DENND1A: variants seen among roughly 807,000 people sequenced by gnomAD.
The protein encoded by DENND1A is DENN domain containing 1A.
A neutral mutation model predicts 113.7 loss-of-function variants in DENND1A; 51 were observed. The ratio of observed to expected loss-of-function variants is 0.45; its 90% CI spans 0.36 to 0.57. The LOEUF (loss-of-function observed/expected upper bound fraction) is 0.57. DENND1A is among the 20% of genes least tolerant of loss of function. The probability of loss-of-function intolerance (pLI) is 0.00; values close to 1 mark genes in which losing one functional copy is unlikely to be tolerated. For missense variants in DENND1A, 1,258 were observed against 1,395.9 expected (o/e 0.90, Z 1.57); for synonymous variants, 565 against 570.8 (o/e 0.99, Z 0.14).
chr9:123,848,704 G>A (rs1044699807), intron 2 of DENND1A, among the ~76,000 whole-genome samples: 1 of 152,172 alleles, frequency 6.6e-6, no homozygotes, highest in Non-Finnish European at 1.5e-5. Context: ...CTCAAAGTTA[G>A]TCTTCTTGTA....
intron 2 of DENND1A, chr9:123,843,558 G>A (rs997663581): frequency 9.7e-6 from 2 of 207,060 alleles, no homozygotes; most frequent in Admixed American, 1.1e-4. Context: ...ACTGAGTGGA[G>A]AAAGACTATG....
chr9:123,423,912 C>A (rs1423754813), intron 19 of DENND1A, among the ~76,000 whole-genome samples: 1 of 152,150 alleles, frequency 6.6e-6, no homozygotes, highest in East Asian at 1.9e-4. Flanking sequence ...AAGGGGCTAC[C>A]CGTAAAGTTG....
chr9:123,435,098 T>C (rs975106217), intron 19 of DENND1A, among the ~76,000 whole-genome samples: 1 of 151,144 alleles, frequency 6.6e-6, no homozygotes, highest in Non-Finnish European at 1.5e-5. Context: ...TGGTGGGGAG[T>C]GTATGTTCAG....
intron 8 of DENND1A, among the ~76,000 whole-genome samples, chr9:123,663,101 C>A (rs952171979): frequency 6.6e-6 from 1 of 152,166 alleles, no homozygotes; most frequent in African/African-American, 2.4e-5. Flanking sequence ...TGTTTTTAAG[C>A]CATTAATATG....
chr9:123,559,926 A>G (rs1384306250), intron 12 of DENND1A, among the ~76,000 whole-genome samples: 1 of 152,228 alleles, frequency 6.6e-6, no homozygotes, highest in East Asian at 1.9e-4. Context: ...ATATAAATGG[A>G]ATTAACAATA....
intron 21 of DENND1A, among the ~76,000 whole-genome samples, chr9:123,391,884 G>T (rs1253118405): frequency 6.6e-6 from 1 of 152,076 alleles, no homozygotes; most frequent in Non-Finnish European, 1.5e-5. Context: ...TGAAAAGGCA[G>T]GTTGCGGCAA....
chr9:123,601,165 G>A (rs911935347), intron 11 of DENND1A, among the ~76,000 whole-genome samples: 4 of 152,158 alleles, frequency 2.6e-5, no homozygotes, highest in Non-Finnish European at 2.9e-5. Context: ...TCATTACTGA[G>A]TTTTTCTCAT....
chr9:123,408,729 C>T (rs1217788936), intron 20 of DENND1A, among the ~76,000 whole-genome samples: 1 of 152,194 alleles, frequency 6.6e-6, no homozygotes, highest in Non-Finnish European at 1.5e-5. Flanking sequence ...GCTGCTACTC[C>T]GTGTCTCTCA....
rs575948779 is a variant in DENND1A at position 123,435,848 on chromosome 9, C to T, written c.1488+4512G>A. 9.2e-5 allele frequency among the ~76,000 whole-genome samples: 14 copies of T among 152,330 alleles called. No individual in the cohort carries two copies. The South Asian group carries it at 1.2e-3, about 14-fold the overall frequency. On this transcript the variant is annotated intron_variant, in intron 19 of 23. Coordinates refer to ENST00000394215, the MANE Select transcript of DENND1A (RefSeq NM_001352964.2). ...AATTAGCTACTCATTCCAGCAACGC[C>T]GTTCCAGTGTGCCTCCTCATGTGTA...
In DENND1A at chr9:123,440,390, G is replaced by T; in HGVS notation, c.1458C>A (p.Asp486Glu). The T allele has an allele frequency of 6.2e-7, 1 of 1,601,846 alleles. No individual in the cohort carries two copies. Among genetic ancestry groups the T allele is most frequent in the Non-Finnish European group, 8.5e-7 (1 of 1,175,184 alleles). The change falls in exon 19 of 24, where the codon GAC becomes GAA. Residue 486 changes from aspartate to glutamate, a missense_variant. By Grantham distance (45) the Asp-to-Glu change is conservative. Transcript: ENST00000394215. ...CAAAGTGGACTGTGATTGGCCGCCG[G>T]TCTTCTCGGAGCTTGGGGTCCTTGG... is the stretch of plus-strand genomic sequence containing the variant. ...VEAKDPKLRE[D>E]RRPITVHFGQ...
Position 123,382,120 on chromosome 9 carries a change from G to T in DENND1A, c.2525C>A (p.Ala842Asp), listed in dbSNP as rs199752483. ...GAGCGGGTCCAGGAGGGCGAGCAGG[G>T]CGTCACTGCTCGTGCCTGCAGCCCC... ...GPGAAGTSSDALLALLDPLST... is the reference protein window; with the variant it reads ...GPGAAGTSSDDLLALLDPLST... The change falls in exon 24 of 24, where the codon GCC becomes GAC. Residue 842 changes from alanine to aspartate, a missense_variant. Ala to Asp is a moderately radical substitution (Grantham distance 126). Coordinates refer to ENST00000394215, the MANE Select transcript of DENND1A (RefSeq NM_001352964.2). 1.3e-5 allele frequency: 21 copies of T among 1,580,726 alleles called. No individual in the cohort carries two copies. The highest frequency in any genetic ancestry group is 1.8e-5 in the Admixed American group (1 of 55,962).
At chr9:123,514,216 G>A (rs2053704744) in intron 13 of DENND1A, among the ~76,000 whole-genome samples, 1 of 151,962 alleles carries the variant, frequency 6.6e-6, no homozygotes, top group Non-Finnish European at 1.5e-5. Flanking sequence ...ACCTTGAATG[G>A]TGCAATGAGG....
chr9:123,576,326 T>C (rs1002153661), intron 12 of DENND1A, among the ~76,000 whole-genome samples: 1 of 152,220 alleles, frequency 6.6e-6, no homozygotes, highest in Non-Finnish European at 1.5e-5. Flanking sequence ...AAATTACAAA[T>C]GAGAAAGTAA....
intron 2 of DENND1A, among the ~76,000 whole-genome samples, chr9:123,823,247 G>T (rs1370901968): frequency 6.6e-6 from 1 of 152,200 alleles, no homozygotes; most frequent in East Asian, 1.9e-4. Context: ...ATTCAACTTT[G>T]AGAAGAATTA....
chr9:123,745,373 T>C (rs2069402364), intron 5 of DENND1A, among the ~76,000 whole-genome samples: 1 of 152,182 alleles, frequency 6.6e-6, no homozygotes, highest in African/African-American at 2.4e-5. Context: ...AATACCTAGA[T>C]CTCATGGGCT....
chr9:123,560,277 A>G (rs761099830), intron 12 of DENND1A, among the ~76,000 whole-genome samples: 1 of 152,236 alleles, frequency 6.6e-6, no homozygotes, highest in Non-Finnish European at 1.5e-5. Context: ...CACCAAGCAC[A>G]GTGCTCAGTG....
chr9:123,553,134 G>A (rs1344053421), intron 13 of DENND1A, among the ~76,000 whole-genome samples: 5 of 152,160 alleles, frequency 3.3e-5, no homozygotes, highest in African/African-American at 1.2e-4. Flanking sequence ...GCATGCACCT[G>A]TAGTCCCAGC....
At position 123,735,642 on chromosome 9, in the gene DENND1A, A is replaced by G. The variant is rs184136860; in HGVS notation, c.302+22061T>C. On this transcript the variant is annotated intron_variant, in intron 5 of 23. Coordinates refer to ENST00000394215, the MANE Select transcript of DENND1A (RefSeq NM_001352964.2). ...AAGTGGTGAGATGTTTCCTTTTTTA[A>G]AAGTTTTTATTGTTAATCAAGAATT... Among the ~76,000 whole-genome samples, 323 of 152,298 alleles carry G rather than the reference A, an allele frequency of 2.1e-3. 2 individuals are homozygous for G. Among genetic ancestry groups the G allele is most frequent in the African/African-American group, 7.3e-3 (305 of 41,558 alleles).
intron 19 of DENND1A, among the ~76,000 whole-genome samples, chr9:123,421,567 T>A (rs1185869723): frequency 2.6e-5 from 4 of 152,152 alleles, no homozygotes; most frequent in Non-Finnish European, 5.9e-5. Flanking sequence ...GCCGCCTGCA[T>A]TTCACCAGGC....
Sources: gnomAD v4.1 joint callset for allele counts (sites outside exome capture counted in the v4.1 genomes callset) on GRCh38, gnomAD v4.1.1 for gene constraint, MANE v1.5 for transcripts, NCBI Gene and HGNC (gene_info 2026-07-23, HGNC 2026-07-21) for gene names.